The following CAMSAP1 variants were observed in gnomAD, a reference collection of about 807,000 sequenced individuals.
CAMSAP1 encodes calmodulin regulated spectrin associated protein 1, also known as calmodulin-regulated spectrin-associated protein 1.
A neutral mutation model predicts 143.5 loss-of-function variants in CAMSAP1; 58 were observed. The observed-to-expected ratio is 0.40, with a 90% confidence interval of 0.33 to 0.50. CAMSAP1 has a LOEUF of 0.50. CAMSAP1 is among the 20% of genes least tolerant of loss of function. The pLI, the probability that CAMSAP1 is intolerant of heterozygous loss-of-function variation, is 0.45. For synonymous variants in CAMSAP1, 945 were observed against 859.3 expected, an observed-to-expected ratio of 1.10 and a Z score of -1.74; for missense variants, 1,969 against 2,115.7, an observed-to-expected ratio of 0.93 and a Z score of 1.36.
At position 135,811,366 on chromosome 9, in the gene CAMSAP1, G is replaced by A; in HGVS notation, c.4752C>T (p.Asn1584=). Reference sequence around the variant, plus strand: ...CAGGCCGCTTGGGCTGCCACAGGTGGTTGTGGATTGTGAGTGCGTCCACAC... The same window carrying A: ...CAGGCCGCTTGGGCTGCCACAGGTGATTGTGGATTGTGAGTGCGTCCACAC... The part of the protein sequence containing the change: ...SVSVDALTIH[N]HLWQPKRPAV... The change falls in exon 17 of 17, where the codon AAC becomes AAT. Residue 1584 remains asparagine, a synonymous_variant. Coordinates refer to ENST00000389532, the MANE Select transcript of CAMSAP1 (RefSeq NM_015447.4). The surrounding 1 kb of genome is among the most constrained non-coding windows in gnomAD (Gnocchi z 4.9). 1 of 1,613,146 alleles carries A rather than the reference G, an allele frequency of 6.2e-7. No individual in the cohort carries two copies. Among genetic ancestry groups the A allele is most frequent in the Non-Finnish European group, 8.5e-7 (1 of 1,179,538 alleles).
chr9:135,885,819 C>T (rs867165283), intron 1 of CAMSAP1, among the ~76,000 whole-genome samples: 31 of 152,198 alleles, frequency 2.0e-4, no homozygotes, highest in African/African-American at 6.8e-4. Context: ...ATACAAGCTT[C>T]AGACTGTGGT....
At position 135,824,012 on chromosome 9, in the gene CAMSAP1, A is replaced by T; in HGVS notation, c.1338T>A (p.Ser446=). 6.3e-7 allele frequency: 1 copy of T among 1,586,882 alleles called. No individual in the cohort carries two copies. The highest frequency in any genetic ancestry group is 8.6e-7 in the Non-Finnish European group (1 of 1,166,002). ...DIPDQRHRSN[S]LTRVDGQPRG... ...GAGGCTGACCATCAACTCGGGTCAA[A>T]GAATTCGATCGATGTCGCTGATCTG... Residue 446 remains serine (S), a synonymous_variant, in exon 10 of 17, where the codon TCT becomes TCA. Coordinates refer to ENST00000389532, the MANE Select transcript of CAMSAP1 (RefSeq NM_015447.4). The surrounding 1 kb of genome is among the most constrained non-coding windows in gnomAD (Gnocchi z 4.1).
chr9:135,846,682 C>CAAAAAAAAA (rs752714756), intron 7 of CAMSAP1, among the ~76,000 whole-genome samples: 9 of 53,724 alleles, frequency 1.7e-4, no homozygotes, highest in Non-Finnish European at 3.4e-4. Flanking sequence ...ACAAATTTAC[C>CAAAAAAAAA]AAAAAAAAAA....
intron 1 of CAMSAP1, among the ~76,000 whole-genome samples, 178 bp from the exon 2 acceptor site, chr9:135,883,256 G>A (rs1838017257): frequency 6.6e-6 from 1 of 152,180 alleles, no homozygotes; most frequent in African/African-American, 2.4e-5. Context: ...AACGTGAAAA[G>A]GCTCTAGGCT....
Position 135,819,083 on chromosome 9 carries a change from G to A in CAMSAP1, c.3886C>T (p.Arg1296Cys), listed in dbSNP as rs1411064540. ...CGCACGCGGGCCTCCTCGGCCTTGC[G>A]CTGCTGCTTCAGGAGGAAGGCCGCC... The part of the protein sequence containing the change: ...KRAAFLLKQQ[R>C]KAEEARVRKQ... The change falls in exon 12 of 17, where the codon CGC becomes TGC. Residue 1296 changes from arginine (R) to cysteine (C), a missense_variant. Around this residue, in one of 4 missense-constraint regions of CAMSAP1, gnomAD observed 1,390 missense variants for 1,420.8 expected, o/e 0.98. Transcript: ENST00000389532. The A allele has an allele frequency of 1.2e-6, 2 of 1,603,830 alleles. No homozygotes were observed. Among genetic ancestry groups the A allele is most frequent in the Non-Finnish European group, 1.7e-6 (2 of 1,176,796 alleles).
rs1835482848 is a variant in CAMSAP1, at chr9:135,821,968, T to A, written c.2693A>T (p.Lys898Met). ...CTGCCTTGCCGACAGCGCCTCCATC[T>A]TCTTCTTCTGGGCCTCGATGGCCCT... The part of the protein sequence containing the change: ...KRRAIEAQKK[K>M]MEALSARQRL... Residue 898 changes from lysine (K) to methionine (M), a missense_variant, in exon 11 of 17, where the codon AAG becomes ATG. Physicochemically the swap from Lys to Met is moderately conservative, Grantham distance 95 (BLOSUM62 -1). Coordinates refer to ENST00000389532, the MANE Select transcript of CAMSAP1 (RefSeq NM_015447.4). The surrounding 1 kb of genome is among the most constrained non-coding windows in gnomAD (Gnocchi z 4.6). 4.3e-6 allele frequency: 7 copies of A among 1,612,308 alleles called. No homozygotes were observed. Among genetic ancestry groups the A allele is most frequent in the Non-Finnish European group, 5.9e-6 (7 of 1,179,426 alleles).
intron 10 of CAMSAP1, 144 bp downstream of exon 10, chr9:135,823,805 GT>G: frequency 1.5e-6 from 1 of 662,324 alleles, no homozygotes; most frequent in Non-Finnish European, 2.6e-6. Context: ...TAACTTCCTA[GT>G]GTTGTTATAA....
At chr9:135,897,901 G>A (rs1393332304) in intron 1 of CAMSAP1, among the ~76,000 whole-genome samples, 3 of 152,126 alleles carry the variant, frequency 2.0e-5, no homozygotes, top group African/African-American at 4.8e-5. Context: ...CGTTATAGCA[G>A]CCCAAATGAA....
At chr9:135,852,455 T>TA (rs1202906473) in intron 5 of CAMSAP1, among the ~76,000 whole-genome samples, 4 of 152,222 alleles carry the variant, frequency 2.6e-5, no homozygotes, top group African/African-American at 9.6e-5. Context: ...TCAAAATTCT[T>TA]AAATTTTACT....
At chr9:135,866,256 C>T (rs1837375539) in intron 4 of CAMSAP1, 200 bp downstream of exon 4, 1 of 543,704 alleles carries the variant, frequency 1.8e-6, no homozygotes, top group African/African-American at 1.9e-5. Flanking sequence ...CACCCCTTCC[C>T]AGGAGAGGCG....
At chr9:135,827,687 ACC>A in intron 7 of CAMSAP1, 103 bp from the exon 8 acceptor site, 1 of 1,151,698 alleles carries the variant, frequency 8.7e-7, no homozygotes, top group Non-Finnish European at 1.1e-6. Context: ...TTTTATTGAA[ACC>A]AAACTTCTGC....
Position 135,818,711 on chromosome 9 carries a change from C to T in CAMSAP1, c.3960-95G>A, listed in dbSNP as rs867423573. The T allele has an allele frequency of 6.9e-5, 97 of 1,406,976 alleles. No homozygotes were observed. Among genetic ancestry groups the T allele is most frequent in the South Asian group, 6.1e-4 (44 of 72,330 alleles). The allele number at this position is 1,406,976 out of a possible 1,614,324, so 87.2% of individuals were successfully genotyped here. Reference sequence around the variant, plus strand: ...TCTGTCCAGGCGCGTTTCTCGGGTTCTCCCCGGCCGCTGGGACCAAGAGTG... The same window carrying T: ...TCTGTCCAGGCGCGTTTCTCGGGTTTTCCCCGGCCGCTGGGACCAAGAGTG... On this transcript the variant is annotated intron_variant, in intron 12 of 16. Transcript: ENST00000389532. The surrounding 1 kb of genome is among the most constrained non-coding windows in gnomAD (Gnocchi z 7.7).
chr9:135,864,212 C>G (rs1013660775), intron 4 of CAMSAP1, among the ~76,000 whole-genome samples: 3 of 152,218 alleles, frequency 2.0e-5, no homozygotes, highest in African/African-American at 4.8e-5. Flanking sequence ...CTCATGTGAC[C>G]TCACTTCCTG....
At chr9:135,836,011 T>C in intron 7 of CAMSAP1, 1 of 623,736 alleles carries the variant, frequency 1.6e-6, no homozygotes, top group African/African-American at 2.0e-5. Flanking sequence ...AAAAAAATTA[T>C]TCTGACATTT....
In CAMSAP1 at chr9:135,823,970, GGCTATT is replaced by G. The variant is rs1248388591; in HGVS notation, c.1374_1379del (p.Ile459_Ala460del). The G allele has an allele frequency of 6.3e-7, 1 of 1,585,600 alleles. No individual in the cohort carries two copies. Among genetic ancestry groups the G allele is most frequent in the South Asian group, 1.2e-5 (1 of 86,306 alleles). ...CTCACCTGGTTTTTTTTTCTGGCCA[GGCTATT>G]GCTGCTCCTCGAGGCTGACCATCAA... On this transcript the variant is annotated inframe_deletion, in exon 10 of 17. Transcript: ENST00000389532.
At chr9:135,813,385 G>T (rs1446231879) in intron 16 of CAMSAP1, among the ~76,000 whole-genome samples, 1 of 151,960 alleles carries the variant, frequency 6.6e-6, no homozygotes, top group African/African-American at 2.4e-5. Flanking sequence ...CATATAATGG[G>T]GTTTATTATT....
intron 1 of CAMSAP1, among the ~76,000 whole-genome samples, chr9:135,890,613 C>G (rs376255090): frequency 6.6e-6 from 1 of 152,156 alleles, no homozygotes; most frequent in Admixed American, 6.5e-5. Context: ...CAGGAGCAAA[C>G]GTGAAGCAGC....
chr9:135,886,108 TTTC>T (rs1482435632), intron 1 of CAMSAP1, among the ~76,000 whole-genome samples: 1 of 152,060 alleles, frequency 6.6e-6, no homozygotes, highest in African/African-American at 2.4e-5. Flanking sequence ...TTTCTAATAG[TTTC>T]TTGTTGTTTT....
intron 3 of CAMSAP1, among the ~76,000 whole-genome samples, chr9:135,869,088 C>T (rs1837482754): frequency 6.6e-6 from 1 of 152,002 alleles, no homozygotes; most frequent in Non-Finnish European, 1.5e-5. Context: ...GAAATGGTTA[C>T]TATATAGTAA....
Sources: allele counts gnomAD v4.1 joint callset (sites outside exome capture counted in the v4.1 genomes callset), GRCh38; gene constraint gnomAD v4.1.1; regional missense constraint gnomAD v4.1.1; non-coding constraint Gnocchi (gnomAD v3.1); transcripts MANE v1.5; gene names NCBI Gene and HGNC (gene_info 2026-07-23, HGNC 2026-07-21).